The following SLC6A15 variants were observed in gnomAD, a reference collection of about 807,000 sequenced individuals.
The protein encoded by SLC6A15 is solute carrier family 6 member 15, also known as sodium-dependent neutral amino acid transporter B(0)AT2.
SLC6A15 carries 33 observed loss-of-function variants against 68.5 expected under a neutral mutation model. The ratio of observed to expected loss-of-function variants is 0.48; its 90% CI spans 0.37 to 0.64. SLC6A15 has a LOEUF of 0.64. Ranked by LOEUF, SLC6A15 falls within the 30% of genes least tolerant of loss-of-function variation. The pLI is 0.00. For synonymous variants in SLC6A15, 347 were observed against 301.0 expected, an observed-to-expected ratio of 1.15 and a Z score of -1.58; for missense variants, 747 against 874.3, an observed-to-expected ratio of 0.85 and a Z score of 1.84.
In SLC6A15 at chr12:84,872,801, A is replaced by C; in HGVS notation, c.1110-7T>G. 1 of 1,596,170 alleles carries C rather than the reference A, an allele frequency of 6.3e-7. No homozygotes were observed. Among genetic ancestry groups the C allele is most frequent in the African/African-American group, 1.4e-5 (1 of 74,042 alleles). On this transcript the variant is annotated splice_polypyrimidine_tract_variant and splice_region_variant and intron_variant, in intron 7 of 11. Transcript: ENST00000266682. ...CATGATCGTCTCTGAATTTCTGAAAAATAAAACAACATACAAATGAGCACA... is the reference window on the plus strand; with the variant it reads ...CATGATCGTCTCTGAATTTCTGAAACATAAAACAACATACAAATGAGCACA...
chr12:84,909,469 T>A (rs933168235), intron 1 of SLC6A15, among the ~76,000 whole-genome samples: 1 of 152,110 alleles, frequency 6.6e-6, no homozygotes, highest in Admixed American at 6.5e-5. Context: ...TTTAAGCAGA[T>A]AAATACATCA....
At chr12:84,872,383 A>C in intron 8 of SLC6A15, among the ~76,000 whole-genome samples, 1 of 152,146 alleles carries the variant, frequency 6.6e-6, no homozygotes, top group East Asian at 1.9e-4. Flanking sequence ...TCAATGAAAT[A>C]ACTTTTTAAA....
intron 1 of SLC6A15, among the ~76,000 whole-genome samples, chr12:84,903,112 T>A (rs1872962826): frequency 6.6e-6 from 1 of 152,134 alleles, no homozygotes; most frequent in Non-Finnish European, 1.5e-5. Flanking sequence ...TTCTGTGAAA[T>A]CGTAATTATT....
At position 84,873,242 on chromosome 12, in the gene SLC6A15, A is replaced by G; in HGVS notation, c.954T>C (p.Ile318=). Residue 318 remains isoleucine (I), a synonymous_variant, in exon 7 of 12, where the codon ATT becomes ATC. Coordinates refer to ENST00000266682, the MANE Select transcript of SLC6A15 (RefSeq NM_182767.6). Reference sequence around the variant, plus strand: ...CTCTCTTGTTGTAGCTTGAAAAGGCAATGACACCACCAAATCCCAGACCTA... The same window carrying G: ...CTCTCTTGTTGTAGCTTGAAAAGGCGATGACACCACCAAATCCCAGACCTA... ...FALGLGFGGV[I]AFSSYNKRDN... 6.2e-7 allele frequency: 1 copy of G among 1,614,112 alleles called. No individual in the cohort carries two copies. Among genetic ancestry groups the G allele is most frequent in the South Asian group, 1.1e-5 (1 of 91,086 alleles).
Position 84,891,933 on chromosome 12 carries a change from G to A in SLC6A15, c.188C>T (p.Ala63Val). Residue 63 changes from alanine (A) to valine (V), a missense_variant, in exon 2 of 12, where the codon GCT becomes GTT. Physicochemically the swap from Ala to Val is moderately conservative, Grantham distance 64. Coordinates refer to ENST00000266682, the MANE Select transcript of SLC6A15 (RefSeq NM_182767.6). Reference protein sequence around the residue: ...EGSEVEDERPAWNSKLQYILA... With the variant: ...EGSEVEDERPVWNSKLQYILA... Reference sequence around the variant, plus strand: ...GATGTATTGTAGTTTACTGTTCCAAGCTGGTCTTTCATCTTCGACTTCAGA... The same window carrying A: ...GATGTATTGTAGTTTACTGTTCCAAACTGGTCTTTCATCTTCGACTTCAGA... The A allele has an allele frequency of 1.2e-6, 2 of 1,614,008 alleles. No homozygotes were observed. Among genetic ancestry groups the A allele is most frequent in the Non-Finnish European group, 1.7e-6 (2 of 1,179,988 alleles).
At chr12:84,911,113 G>C (rs377470862) in intron 1 of SLC6A15, among the ~76,000 whole-genome samples, 11 of 152,262 alleles carry the variant, frequency 7.2e-5, no homozygotes, top group East Asian at 5.8e-4. Context: ...AATGAGGTTG[G>C]GTGGGTGAGG....
At chr12:84,908,601 C>CATATATATATATATATAT (rs3084056) in intron 1 of SLC6A15, among the ~76,000 whole-genome samples, 19 of 140,502 alleles carry the variant, frequency 1.4e-4, no homozygotes, top group African/African-American at 2.6e-4. Flanking sequence ...AGTAAAGAAA[C>CATATATATATATATATAT]ATATATATAT....
intron 5 of SLC6A15, 41 bp from the exon 6 acceptor site, chr12:84,876,648 C>G: frequency 1.1e-6 from 1 of 951,662 alleles, no homozygotes. Flanking sequence ...GATACAATGA[C>G]CATTTTTTTA....
At chr12:84,878,686 C>A (rs1266465079) in intron 5 of SLC6A15, among the ~76,000 whole-genome samples, 1 of 151,752 alleles carries the variant, frequency 6.6e-6, no homozygotes. Flanking sequence ...AATATAATTT[C>A]TAATTAGGTA....
In SLC6A15 at chr12:84,873,101, C is replaced by A; in HGVS notation, c.1095G>T (p.Glu365Asp). ...VLGFKANVIN[E>D]KCITQNSETI... Reference sequence around the variant, plus strand: ...AATATTCATACTGTGTAATGCATTTCTCATTTATGACATTTGCTTTGAAGC... The same window carrying A: ...AATATTCATACTGTGTAATGCATTTATCATTTATGACATTTGCTTTGAAGC... Residue 365 changes from glutamate to aspartate, a missense_variant, in exon 7 of 12, where the codon GAG becomes GAT. Physicochemically the swap from Glu to Asp is conservative, Grantham distance 45. Coordinates refer to ENST00000266682, the MANE Select transcript of SLC6A15 (RefSeq NM_182767.6). The A allele has an allele frequency of 6.2e-7, 1 of 1,614,018 alleles. No individual in the cohort carries two copies. The highest frequency in any genetic ancestry group is 1.3e-5 in the African/African-American group (1 of 75,040).
chr12:84,877,640 G>T (rs919669157), intron 5 of SLC6A15, among the ~76,000 whole-genome samples: 1 of 152,072 alleles, frequency 6.6e-6, no homozygotes, highest in African/African-American at 2.4e-5. Flanking sequence ...CAGATGACTT[G>T]CTCCTCCTTA....
intron 5 of SLC6A15, chr12:84,882,007 A>T: frequency 6.1e-6 from 6 of 978,910 alleles, no homozygotes; most frequent in Non-Finnish European, 7.3e-6. Context: ...GTACTAAATA[A>T]ATTGTATTAC....
At chr12:84,886,918 T>C (rs1459790683) in intron 2 of SLC6A15, among the ~76,000 whole-genome samples, 2 of 152,112 alleles carry the variant, frequency 1.3e-5, no homozygotes, top group African/African-American at 2.4e-5. Flanking sequence ...AAAAGATGAA[T>C]GTGAAACCTT....
At chr12:84,886,852 A>G (rs1033756810) in intron 2 of SLC6A15, among the ~76,000 whole-genome samples, 3 of 152,226 alleles carry the variant, frequency 2.0e-5, no homozygotes, top group Non-Finnish European at 4.4e-5. Flanking sequence ...AGTGATTTCA[A>G]AAGGTACCTA....
chr12:84,879,381 C>T (rs141237859), intron 5 of SLC6A15, among the ~76,000 whole-genome samples: 4 of 151,478 alleles, frequency 2.6e-5, no homozygotes, highest in African/African-American at 9.7e-5. Flanking sequence ...GGTGGAGTGC[C>T]GTGGTGCAAT....
chr12:84,888,323 A>G (rs1872219394), intron 2 of SLC6A15, among the ~76,000 whole-genome samples: 1 of 152,002 alleles, frequency 6.6e-6, no homozygotes, highest in Admixed American at 6.6e-5. Context: ...ATATGTTTAC[A>G]GCAGTACAAT....
intron 2 of SLC6A15, among the ~76,000 whole-genome samples, chr12:84,887,992 G>A (rs1377803659): frequency 6.6e-6 from 1 of 151,916 alleles, no homozygotes; most frequent in Non-Finnish European, 1.5e-5. Context: ...TTGGGAGGCC[G>A]AGGCTGGCAG....
At chr12:84,897,772 G>A (rs940210879) in intron 1 of SLC6A15, among the ~76,000 whole-genome samples, 5 of 152,138 alleles carry the variant, frequency 3.3e-5, no homozygotes, top group Non-Finnish European at 5.9e-5. Flanking sequence ...ATGGGATGAA[G>A]GAGTGGGGTA....
At chr12:84,881,412 T>C (rs1206571655) in intron 5 of SLC6A15, 1 of 977,786 alleles carries the variant, frequency 1.0e-6, no homozygotes, top group Non-Finnish European at 1.2e-6. Flanking sequence ...TATTCTTCTT[T>C]TGGTTTAACT....
Sources: allele counts gnomAD v4.1 joint callset (sites outside exome capture counted in the v4.1 genomes callset), GRCh38; gene constraint gnomAD v4.1.1; transcripts MANE v1.5; gene names NCBI Gene and HGNC (gene_info 2026-07-23, HGNC 2026-07-21).